The following DPY19L1 variants were observed in gnomAD, a reference collection of about 807,000 sequenced individuals.
DPY19L1 encodes the protein dpy-19 like C-mannosyltransferase 1, also known as protein C-mannosyl-transferase DPY19L1.
A neutral mutation model predicts 96.9 loss-of-function variants in DPY19L1; 35 were observed. The ratio of observed to expected loss-of-function variants is 0.36; its 90% CI spans 0.28 to 0.48. The LOEUF (loss-of-function observed/expected upper bound fraction) is 0.48, where lower values mean the gene tolerates loss of function less well. Ranked by LOEUF, DPY19L1 falls within the 20% of genes least tolerant of loss-of-function variation. The pLI is 0.99. For synonymous variants in DPY19L1, 205 were observed against 252.6 expected, an observed-to-expected ratio of 0.81 and a Z score of 1.79; for missense variants, 521 against 777.9, an observed-to-expected ratio of 0.67 and a Z score of 3.93.
At chr7:35,028,807 G>A (rs1786191565) in intron 1 of DPY19L1, among the ~76,000 whole-genome samples, 1 of 152,152 alleles carries the variant, frequency 6.6e-6, no homozygotes, top group African/African-American at 2.4e-5. Flanking sequence ...TCTGGAAAAG[G>A]GGGGGACAAT....
chr7:34,971,671 G>A (rs868410821), intron 8 of DPY19L1, among the ~76,000 whole-genome samples: 8 of 152,162 alleles, frequency 5.3e-5, no homozygotes, highest in African/African-American at 7.2e-5. Context: ...GTATTAAGAC[G>A]TGGGTAAGGC....
intron 7 of DPY19L1, among the ~76,000 whole-genome samples, chr7:34,977,575 A>G (rs1428494036): frequency 1.3e-5 from 2 of 152,218 alleles, no homozygotes. Flanking sequence ...TGTTTCTCCA[A>G]TAACACAACG....
rs328887 is a variant in DPY19L1 at position 34,973,159 on chromosome 7, T to C, written c.914+355A>G. 2.6e-3 allele frequency among the ~76,000 whole-genome samples: 396 copies of C among 152,324 alleles called. 1 individual carries two copies. Among genetic ancestry groups the C allele is most frequent in the African/African-American group, 5.7e-3 (239 of 41,584 alleles). ...AATTATCCTTTGCCCCAAAGGATTG[T>C]ATCTTACAGGATACACTATAGCATG... On this transcript the variant is annotated intron_variant, in intron 8 of 21. Coordinates refer to ENST00000638088, the MANE Select transcript of DPY19L1 (RefSeq NM_001366673.1).
chr7:34,969,691 C>T (rs975966081), intron 8 of DPY19L1, among the ~76,000 whole-genome samples, 159 bp from the exon 9 acceptor site: 3 of 152,156 alleles, frequency 2.0e-5, no homozygotes, highest in Non-Finnish European at 4.4e-5. Flanking sequence ...CCTCCTGATA[C>T]TCAATTACAA....
intron 21 of DPY19L1, among the ~76,000 whole-genome samples, chr7:34,934,518 A>G (rs1294419034): frequency 7.9e-5 from 12 of 152,286 alleles, no homozygotes; most frequent in Admixed American, 4.6e-4. Context: ...GCAGCTACAA[A>G]CAGTCTTGTG....
At chr7:34,933,393 T>G (rs533456236) in intron 21 of DPY19L1, among the ~76,000 whole-genome samples, 1 of 152,246 alleles carries the variant, frequency 6.6e-6, no homozygotes, top group Non-Finnish European at 1.5e-5. Flanking sequence ...ATTTGCTATC[T>G]GCTGTATCTT....
intron 7 of DPY19L1, among the ~76,000 whole-genome samples, chr7:34,980,354 A>C (rs1261398054): frequency 6.6e-6 from 1 of 152,100 alleles, no homozygotes; most frequent in Non-Finnish European, 1.5e-5. Context: ...AACCTTCATG[A>C]CCTACAGTAG....
rs77232915 is a variant in DPY19L1, at chr7:34,990,084, T to C, written c.765-143A>G. The C allele has an allele frequency of 8.1e-6, 4 of 495,868 alleles. No homozygotes were observed. In the East Asian group the frequency reaches 1.0e-4, roughly 13 times the overall value. 30.7% of individuals were successfully genotyped at this position (495,868 alleles called of 1,614,324 possible). On this transcript the variant is annotated intron_variant, in intron 6 of 21. Coordinates refer to ENST00000638088, the MANE Select transcript of DPY19L1 (RefSeq NM_001366673.1). ...AACTCTCCTATGCTTATTTACAAAATAGTTTATTTCCTCCAAAAGATCATT... is the reference window on the plus strand; with the variant it reads ...AACTCTCCTATGCTTATTTACAAAACAGTTTATTTCCTCCAAAAGATCATT...
Position 34,966,928 on chromosome 7 carries a change from A to C in DPY19L1, c.1058T>G (p.Ile353Arg), listed in dbSNP as rs760265284. Residue 353 changes from isoleucine (I) to arginine (R), a missense_variant, in exon 10 of 22, where the codon ATA (isoleucine) becomes AGA (arginine). Coordinates refer to ENST00000638088, the MANE Select transcript of DPY19L1 (RefSeq NM_001366673.1). ...ATAAATGATCTTCCGTAATTTACAT[A>C]TATCAATGTACCCGACAACATATAC... The part of the protein sequence containing the change: ...FAVYVVGYID[I>R]CKLRKIIYIH... 9.7e-6 allele frequency: 15 copies of C among 1,545,962 alleles called. No individual in the cohort carries two copies. The highest frequency in any genetic ancestry group is 1.2e-5 in the Non-Finnish European group (14 of 1,147,480).
rs771786063 is a variant in DPY19L1 at position 34,939,347 on chromosome 7, C to T, written c.1893G>A (p.Thr631=). 15 of 1,613,822 alleles carry T rather than the reference C, an allele frequency of 9.3e-6. No homozygotes were observed. The African/African-American group carries it at 9.3e-5, about 10-fold the overall frequency. The part of the protein sequence containing the change: ...PDAVFAGAMP[T]MASVKLSALR... ...GTGCAGAGAGCTTAACACTTGCCAT[C>T]GTGGGCATGGCACCCGCAAACACTG... is the stretch of plus-strand genomic sequence containing the variant. Residue 631 remains threonine, a synonymous_variant, in exon 20 of 22, where the codon ACG becomes ACA. Coordinates refer to ENST00000638088, the MANE Select transcript of DPY19L1 (RefSeq NM_001366673.1).
At chr7:35,037,879 A>G, upstream of DPY19L1, 1 of 1,237,350 alleles carries the variant, frequency 8.1e-7, no homozygotes, top group Non-Finnish European at 1.0e-6. Flanking sequence ...GGCCTTCCGG[A>G]GGCGGCCGCC....
chr7:34,934,664 A>G (rs1273195503), intron 21 of DPY19L1, among the ~76,000 whole-genome samples: 3 of 152,004 alleles, frequency 2.0e-5, no homozygotes, highest in African/African-American at 7.3e-5. Flanking sequence ...AAATTGTTTC[A>G]CCTCAGATCA....
chr7:35,032,192 C>T (rs148951487), intron 1 of DPY19L1, among the ~76,000 whole-genome samples: 2 of 152,226 alleles, frequency 1.3e-5, no homozygotes, highest in African/African-American at 4.8e-5. Flanking sequence ...GAATTGGACT[C>T]TAGGGTTTCA....
intron 7 of DPY19L1, among the ~76,000 whole-genome samples, chr7:34,989,592 G>T (rs915552564): frequency 6.6e-6 from 1 of 151,276 alleles, no homozygotes; most frequent in Middle Eastern, 3.4e-3. Flanking sequence ...CTGCACTCCA[G>T]ACTGGGCAAC....
At chr7:34,976,340 T>C (rs1440490713) in intron 7 of DPY19L1, among the ~76,000 whole-genome samples, 2 of 152,100 alleles carry the variant, frequency 1.3e-5, no homozygotes, top group Non-Finnish European at 2.9e-5. Context: ...TAACTAGAAA[T>C]GGAGCCTGAA....
chr7:35,033,735 C>A (rs576630796), intron 1 of DPY19L1, among the ~76,000 whole-genome samples: 20 of 152,094 alleles, frequency 1.3e-4, no homozygotes, highest in Non-Finnish European at 2.9e-4. Flanking sequence ...AGTTTCTGAC[C>A]ACTTCTGCCT....
At chr7:34,945,562 A>G (rs1784127785) in intron 16 of DPY19L1, 105 bp downstream of exon 16, 1 of 814,244 alleles carries the variant, frequency 1.2e-6, no homozygotes, top group South Asian at 1.8e-5. Context: ...AACATCAATT[A>G]TCAAATATTA....
chr7:34,952,822 T>TA (rs774970448), intron 13 of DPY19L1, among the ~76,000 whole-genome samples: 118 of 151,764 alleles, frequency 7.8e-4, no homozygotes, highest in Non-Finnish European at 1.2e-3. Context: ...GACAAAATTA[T>TA]AAAAAAAACA....
chr7:34,982,485 T>C (rs1019983068), intron 7 of DPY19L1, among the ~76,000 whole-genome samples: 4 of 152,212 alleles, frequency 2.6e-5, no homozygotes, highest in Non-Finnish European at 4.4e-5. Flanking sequence ...TTTCAATTTG[T>C]TCAAAATAAA....
Sources: gnomAD v4.1 joint callset for allele counts (sites outside exome capture counted in the v4.1 genomes callset) on GRCh38, gnomAD v4.1.1 for gene constraint, MANE v1.5 for transcripts, NCBI Gene and HGNC (gene_info 2026-07-23, HGNC 2026-07-21) for gene names.